YAF2: variants seen among roughly 807,000 people sequenced by gnomAD.
YAF2 encodes the protein YY1-associated factor 2.
Under a neutral mutation model 20.1 loss-of-function variants are expected in YAF2, and 7 were observed. The ratio of observed to expected loss-of-function variants is 0.35; its 90% CI spans 0.20 to 0.65. YAF2 has a LOEUF of 0.65. Ranked by LOEUF, YAF2 falls within the 30% of genes least tolerant of loss-of-function variation. YAF2 has a pLI of 0.69. For synonymous variants in YAF2, 74 were observed against 76.0 expected, an observed-to-expected ratio of 0.97 and a Z score of 0.14; for missense variants, 151 against 219.2, an observed-to-expected ratio of 0.69 and a Z score of 1.96.
At chr12:42,184,851 A>G (rs1230063958) in intron 2 of YAF2, among the ~76,000 whole-genome samples, 1 of 152,204 alleles carries the variant, frequency 6.6e-6, no homozygotes, top group Non-Finnish European at 1.5e-5. Flanking sequence ...TCAGTGGAGG[A>G]AGTAACAGCA....
intron 2 of YAF2, among the ~76,000 whole-genome samples, chr12:42,180,459 G>A (rs1334209773): frequency 6.6e-6 from 1 of 152,158 alleles, no homozygotes; most frequent in Non-Finnish European, 1.5e-5. Flanking sequence ...GGACCCTTGA[G>A]AGAGCTGCAG....
intron 2 of YAF2, among the ~76,000 whole-genome samples, chr12:42,199,843 GACCCA>G (rs1211732575): frequency 2.6e-5 from 4 of 151,956 alleles, no homozygotes; most frequent in African/African-American, 9.7e-5. Context: ...AGATTTTTGG[GACCCA>G]ACATTTCCTA....
At chr12:42,180,728 C>T (rs1361879104) in intron 2 of YAF2, among the ~76,000 whole-genome samples, 1 of 152,080 alleles carries the variant, frequency 6.6e-6, no homozygotes, top group Non-Finnish European at 1.5e-5. Flanking sequence ...GCAGGTGGAT[C>T]GCTTGAGGCC....
At chr12:42,196,205 C>T (rs770626173) in intron 2 of YAF2, among the ~76,000 whole-genome samples, 3 of 122,062 alleles carry the variant, frequency 2.5e-5, no homozygotes, top group East Asian at 2.4e-4. Context: ...CCAGCCTGGG[C>T]GACAGAGCAA....
chr12:42,163,069 G>A (rs74078178), intron 2 of YAF2, among the ~76,000 whole-genome samples: 3,662 of 152,126 alleles, frequency 0.024, 149 homozygotes, highest in African/African-American at 0.084. Context: ...GCCCTACCCC[G>A]CAGGATTTCT....
Position 42,209,381 on chromosome 12 carries a change from T to C in YAF2, c.152+28218A>G, listed in dbSNP as rs547250493. On this transcript the variant is annotated intron_variant, in intron 2 of 3. Coordinates refer to ENST00000534854, the MANE Select transcript of YAF2 (RefSeq NM_005748.6). The stretch of plus-strand genomic sequence containing the variant: ...GAGTTCGAGATCAGCCTGGGCAACA[T>C]GGCAAAACCCCATCTCTATAAAAAA... Among the ~76,000 whole-genome samples the C allele has an allele frequency of 2.6e-5, 4 of 151,636 alleles. No homozygotes were observed. The East Asian group carries it at 5.8e-4, about 22-fold the overall frequency.
intron 2 of YAF2, among the ~76,000 whole-genome samples, chr12:42,213,308 G>C (rs1224517543): frequency 6.6e-6 from 1 of 152,242 alleles, no homozygotes; most frequent in Non-Finnish European, 1.5e-5. Flanking sequence ...AACCACATGA[G>C]TGAGCTTGCA....
At chr12:42,236,585 C>A (rs2068165071) in intron 2 of YAF2, among the ~76,000 whole-genome samples, 1 of 152,036 alleles carries the variant, frequency 6.6e-6, no homozygotes, top group Non-Finnish European at 1.5e-5. Flanking sequence ...TTTAAAAAAT[C>A]AAGATCTCAT....
intron 2 of YAF2, among the ~76,000 whole-genome samples, chr12:42,221,346 G>C (rs1389753553): frequency 6.6e-6 from 1 of 152,194 alleles, no homozygotes; most frequent in Non-Finnish European, 1.5e-5. Flanking sequence ...GCTGAGGCAG[G>C]AGGGGTGCTT....
At chr12:42,189,840 T>C (rs2066568767) in intron 2 of YAF2, among the ~76,000 whole-genome samples, 1 of 152,124 alleles carries the variant, frequency 6.6e-6, no homozygotes. Flanking sequence ...AAAATTAGTC[T>C]AAGACAAGCA....
chr12:42,174,923 T>C (rs1007475526), intron 2 of YAF2, among the ~76,000 whole-genome samples: 8 of 152,344 alleles, frequency 5.3e-5, no homozygotes, highest in African/African-American at 1.9e-4. Flanking sequence ...CTGAATAATC[T>C]TTTCTATGCA....
intron 2 of YAF2, chr12:42,235,923 C>T (rs987990591): frequency 6.5e-7 from 1 of 1,536,008 alleles, no homozygotes; most frequent in African/African-American, 1.4e-5. Flanking sequence ...ACCACCTACT[C>T]TATTTCTCAG....
intron 2 of YAF2, among the ~76,000 whole-genome samples, chr12:42,180,316 A>C (rs1339596547): frequency 6.6e-6 from 1 of 152,226 alleles, no homozygotes; most frequent in Non-Finnish European, 1.5e-5. Flanking sequence ...AGAGTGGCCC[A>C]TGTGGCAAAG....
chr12:42,201,299 C>A (rs1272735225), intron 2 of YAF2, among the ~76,000 whole-genome samples: 1 of 152,150 alleles, frequency 6.6e-6, no homozygotes. Context: ...GAGTAACATC[C>A]CATCCTAAGC....
intron 2 of YAF2, among the ~76,000 whole-genome samples, chr12:42,223,696 T>TA (rs1249122777): frequency 6.6e-6 from 1 of 151,638 alleles, no homozygotes; most frequent in Non-Finnish European, 1.5e-5. Flanking sequence ...CATGCAGCCA[T>TA]AAAAAAGGAT....
At chr12:42,225,917 G>C (rs368434842) in intron 2 of YAF2, among the ~76,000 whole-genome samples, 102 of 152,306 alleles carry the variant, frequency 6.7e-4, no homozygotes, top group African/African-American at 2.5e-3. Flanking sequence ...TGTGAAGAAA[G>C]TCAATGGTAG....
At chr12:42,175,772 T>TAAAAAAAAAAAAAAAAAAAAAAAAAA (rs1277338221) in intron 2 of YAF2, among the ~76,000 whole-genome samples, 33 of 88,868 alleles carry the variant, frequency 3.7e-4, no homozygotes, top group Non-Finnish European at 6.3e-4. Context: ...AAAAAAAAAT[T>TAAAAAAAAAAAAAAAAAAAAAAAAAA]AAAACAGGAA....
chr12:42,233,950 C>T, intron 2 of YAF2: 1 of 970,576 alleles, frequency 1.0e-6, no homozygotes, highest in Non-Finnish European at 1.2e-6. Flanking sequence ...GCAGACGGAT[C>T]ACCTGAGGTC....
At chr12:42,220,574 A>G (rs1229253141) in intron 2 of YAF2, among the ~76,000 whole-genome samples, 1 of 152,182 alleles carries the variant, frequency 6.6e-6, no homozygotes, top group Non-Finnish European at 1.5e-5. Flanking sequence ...AACAAAGAGG[A>G]AAGAAGACCA....
Sources: allele counts gnomAD v4.1 joint callset (sites outside exome capture counted in the v4.1 genomes callset), GRCh38; gene constraint gnomAD v4.1.1; transcripts MANE v1.5; gene names NCBI Gene and HGNC (gene_info 2026-07-23, HGNC 2026-07-21).